FRMD6: variants seen among roughly 807,000 people sequenced by gnomAD.
FRMD6 encodes FERM domain containing 6, also known as FERM domain-containing protein 6.
A neutral mutation model predicts 73.2 loss-of-function variants in FRMD6; 37 were observed. The observed-to-expected ratio is 0.51, with a 90% CI of 0.39 to 0.66. FRMD6 has a LOEUF of 0.66. Among genes scored for constraint, FRMD6 ranks in the 30% least tolerant of loss-of-function variants. The pLI, the probability that FRMD6 is intolerant of heterozygous loss-of-function variation, is 0.00. For missense variants in FRMD6, 714 were observed against 780.5 expected, an observed-to-expected ratio of 0.91 and a Z score of 1.02; for synonymous variants, 273 against 282.2, an observed-to-expected ratio of 0.97 and a Z score of 0.33.
intron 1 of FRMD6, among the ~76,000 whole-genome samples, chr14:51,652,380 G>A (rs897106122): frequency 1.3e-5 from 2 of 152,172 alleles, no homozygotes; most frequent in Non-Finnish European, 2.9e-5. Context: ...CCTGGGCTCC[G>A]TGCGCGGTCC....
chr14:51,637,465 G>GCACGCA (rs1891619708), intron 2 of FRMD6: 1 of 132,566 alleles, frequency 7.5e-6, no homozygotes, highest in Admixed American at 7.7e-5. Flanking sequence ...ATACACACAG[G>GCACGCA]CACACACACA....
At chr14:51,607,329 A>AT (rs1890301410) in intron 2 of FRMD6, among the ~76,000 whole-genome samples, 1 of 152,072 alleles carries the variant, frequency 6.6e-6, no homozygotes, top group African/African-American at 2.4e-5. Context: ...AACTATCAAT[A>AT]TTTGGTACCT....
At chr14:51,462,991 T>C in the FRMD6 span, among the ~76,000 whole-genome samples, 1 of 152,232 alleles carries the variant, frequency 6.6e-6, no homozygotes, top group Non-Finnish European at 1.5e-5. Flanking sequence ...CTAACCACCC[T>C]TGCTAGATTG....
intron 3 of FRMD6, among the ~76,000 whole-genome samples, chr14:51,700,397 C>A (rs1486457529): frequency 6.6e-6 from 1 of 152,036 alleles, no homozygotes; most frequent in Non-Finnish European, 1.5e-5. Context: ...TGAGCATCAT[C>A]CCCTGGAAGG....
intron 2 of FRMD6, among the ~76,000 whole-genome samples, chr14:51,641,382 C>G (rs1220451182): frequency 6.6e-6 from 1 of 152,088 alleles, no homozygotes; most frequent in Non-Finnish European, 1.5e-5. Flanking sequence ...TGGGTCTTCA[C>G]TATTGTTTAA....
At chr14:51,614,905 A>C (rs1440927715) in intron 2 of FRMD6, among the ~76,000 whole-genome samples, 1 of 152,166 alleles carries the variant, frequency 6.6e-6, no homozygotes, top group Non-Finnish European at 1.5e-5. Context: ...TGTGCTTATG[A>C]ATACATGCAG....
intron 3 of FRMD6, among the ~76,000 whole-genome samples, chr14:51,700,482 G>A (rs190185928): frequency 6.6e-5 from 10 of 152,120 alleles, no homozygotes; most frequent in Admixed American, 6.6e-4. Flanking sequence ...CAAAGGCAGT[G>A]CGAGTAAGGG....
chr14:51,701,570 G>A (rs1447031703), intron 4 of FRMD6, among the ~76,000 whole-genome samples: 1 of 145,972 alleles, frequency 6.9e-6, no homozygotes, highest in African/African-American at 2.5e-5. Context: ...AGAAAATATA[G>A]TATAGTATAT....
At chr14:51,480,984 G>C in the FRMD6 span, among the ~76,000 whole-genome samples, 1 of 152,218 alleles carries the variant, frequency 6.6e-6, no homozygotes, top group African/African-American at 2.4e-5. Context: ...AAGCATAATT[G>C]TCAAAGGGAA....
At chr14:51,716,644 G>A (rs2140576219) in intron 10 of FRMD6, among the ~76,000 whole-genome samples, 1 of 152,150 alleles carries the variant, frequency 6.6e-6, no homozygotes, top group East Asian at 1.9e-4. Flanking sequence ...ATTTCGTAGC[G>A]ATTAGAACAT....
chr14:51,413,276 A>G, the FRMD6 span, among the ~76,000 whole-genome samples: 1 of 152,174 alleles, frequency 6.6e-6, no homozygotes, highest in Non-Finnish European at 1.5e-5. Context: ...CGTCATTTAC[A>G]TTAGGTATTT....
chr14:51,703,583 A>G (rs1044937485), intron 5 of FRMD6, among the ~76,000 whole-genome samples: 2 of 152,072 alleles, frequency 1.3e-5, no homozygotes, highest in African/African-American at 4.8e-5. Flanking sequence ...GAATATATAT[A>G]TTTAACAAAT....
intron 8 of FRMD6, 95 bp from the exon 9 acceptor site, chr14:51,712,386 TAA>T: frequency 1.4e-6 from 1 of 722,144 alleles, no homozygotes; most frequent in African/African-American, 1.8e-5. Context: ...TTTCAGATTT[TAA>T]TTACTGTATT....
the FRMD6 span, among the ~76,000 whole-genome samples, chr14:51,459,795 C>T: frequency 7.2e-6 from 1 of 139,440 alleles, no homozygotes; most frequent in Non-Finnish European, 1.5e-5. Context: ...CCAAGGCACT[C>T]CAGCCTGGGC....
chr14:51,594,489 C>T (rs569603058), intron 2 of FRMD6, among the ~76,000 whole-genome samples: 5 of 151,994 alleles, frequency 3.3e-5, no homozygotes, highest in South Asian at 2.1e-4. Context: ...CCACCACGCC[C>T]GGCTAATTTT....
intron 1 of FRMD6, among the ~76,000 whole-genome samples, chr14:51,684,225 A>G (rs1450818132): frequency 6.6e-6 from 1 of 151,974 alleles, no homozygotes; most frequent in African/African-American, 2.4e-5. Context: ...TTTCCAGGTC[A>G]GATTTTATAT....
At chr14:51,572,015 A>T (rs955612356) in intron 2 of FRMD6, among the ~76,000 whole-genome samples, 1 of 152,208 alleles carries the variant, frequency 6.6e-6, no homozygotes, top group East Asian at 1.9e-4. Context: ...TTTATCTTCT[A>T]TGAAGGTTTG....
chr14:51,616,118 G>T, intron 2 of FRMD6, among the ~76,000 whole-genome samples: 1 of 152,190 alleles, frequency 6.6e-6, no homozygotes, highest in East Asian at 1.9e-4. Context: ...ACAGCAGGTT[G>T]GGGGTGGATG....
At chr14:51,568,545 G>A (rs1473878148) in intron 1 of FRMD6, among the ~76,000 whole-genome samples, 1 of 152,238 alleles carries the variant, frequency 6.6e-6, no homozygotes, top group South Asian at 2.1e-4. Flanking sequence ...GCCTGTTAAA[G>A]TTATCTCTCT....
Sources: gnomAD v4.1 joint callset for allele counts (sites outside exome capture counted in the v4.1 genomes callset) on GRCh38, gnomAD v4.1.1 for gene constraint, MANE v1.5 for transcripts, NCBI Gene and HGNC (gene_info 2026-07-23, HGNC 2026-07-21) for gene names.